The following PIK3R2 variants were observed in gnomAD, a reference collection of about 807,000 sequenced individuals.
The protein encoded by PIK3R2 is phosphoinositide-3-kinase regulatory subunit 2, also known as phosphatidylinositol 3-kinase regulatory subunit beta.
PIK3R2 carries 40 observed loss-of-function variants against 78.5 expected under a neutral mutation model. That is an observed-to-expected ratio of 0.51 (90% CI 0.40 to 0.66). The LOEUF is 0.66. Among genes scored for constraint, PIK3R2 ranks in the 30% least tolerant of loss-of-function variants. The pLI is 0.00. For missense variants in PIK3R2, 880 were observed against 1,026.6 expected (o/e 0.86, Z 1.95); for synonymous variants, 473 against 457.7 (o/e 1.03, Z -0.43).
At chr19:18,165,687 G>A (rs2043803138) in intron 11 of PIK3R2, among the ~76,000 whole-genome samples, 2 of 152,176 alleles carry the variant, frequency 1.3e-5, no homozygotes. Context: ...TTTTACTGAT[G>A]TGTTAGCTGA....
At position 18,161,788 on chromosome 19, in the gene PIK3R2, T is replaced by TA. The variant is rs1436017703; in HGVS notation, c.816-177dup. On this transcript the variant is annotated intron_variant, in intron 6 of 15. Coordinates refer to ENST00000222254, the MANE Select transcript of PIK3R2 (RefSeq NM_005027.4). The surrounding 1 kb of genome is among the most constrained non-coding windows in gnomAD (Gnocchi z 5.3). ...TTTGTGTGAGAATCTATGGAGCACTTACTGCATACAGCTATGAGGGAGCTG... is the reference window on the plus strand; with the variant it reads ...TTTGTGTGAGAATCTATGGAGCACTTAACTGCATACAGCTATGAGGGAGCTG... Among the ~76,000 whole-genome samples, 1 of 152,228 alleles carries TA rather than the reference T, an allele frequency of 6.6e-6. No individual in the cohort carries two copies. Among genetic ancestry groups the TA allele is most frequent in the Non-Finnish European group, 1.5e-5 (1 of 68,024 alleles).
At chr19:18,165,276 A>G (rs1004061886) in intron 11 of PIK3R2, among the ~76,000 whole-genome samples, 4 of 149,690 alleles carry the variant, frequency 2.7e-5, no homozygotes, top group African/African-American at 7.4e-5. Context: ...GAGGCAGGAG[A>G]ATAGCTTGAA....
Position 18,161,195 on chromosome 19 carries a change from G to A in PIK3R2, c.598+10G>A. 6 of 1,543,012 alleles carry A rather than the reference G, an allele frequency of 3.9e-6. No homozygotes were observed. The highest frequency in any genetic ancestry group is 5.2e-6 in the Non-Finnish European group (6 of 1,144,256). ...CGCCGGGCCCTGCGGGGTGAGCCTGGCGGGTAGCCCGGGGGAAGGAGGGGG... is the reference window on the plus strand; with the variant it reads ...CGCCGGGCCCTGCGGGGTGAGCCTGACGGGTAGCCCGGGGGAAGGAGGGGG... On this transcript the variant is annotated intron_variant, in intron 5 of 15. Transcript: ENST00000222254. The surrounding 1 kb of genome is among the most constrained non-coding windows in gnomAD (Gnocchi z 5.3).
intron 3 of PIK3R2, 109 bp from the exon 4 acceptor site, chr19:18,160,810 T>G: frequency 7.4e-7 from 1 of 1,350,468 alleles, no homozygotes; most frequent in Non-Finnish European, 1.0e-6. Flanking sequence ...CCCATGCCCT[T>G]ATCTCTGGGC....
At chr19:18,154,545 A>C (rs1157490220) in intron 1 of PIK3R2, among the ~76,000 whole-genome samples, 1 of 151,932 alleles carries the variant, frequency 6.6e-6, no homozygotes, top group Non-Finnish European at 1.5e-5. Context: ...TTTGTTCCCT[A>C]CCTCTTAGTT....
chr19:18,164,835 T>G (rs1354769989), intron 11 of PIK3R2, among the ~76,000 whole-genome samples: 4 of 147,902 alleles, frequency 2.7e-5, no homozygotes, highest in Non-Finnish European at 6.0e-5. Context: ...GGGGTTTTGC[T>G]GTGTTGGCCA....
rs1967157418 is a variant in PIK3R2 at position 18,170,335 on chromosome 19, A to AT, written c.*1043dup. The AT allele has an allele frequency of 6.6e-6, 1 of 152,116 alleles. No individual in the cohort carries two copies. Among genetic ancestry groups the AT allele is most frequent in the Non-Finnish European group, 1.5e-5 (1 of 68,008 alleles). 9.4% of individuals were successfully genotyped at this position (152,116 alleles called of 1,614,324 possible). ...CCCACGGCCCCTCCCTCTGATGCAG[A>AT]TTCAGGGCTTCTCTTCGATCATGTT... On this transcript the variant is annotated 3_prime_UTR_variant, in exon 16 of 16. Transcript: ENST00000222254.
intron 12 of PIK3R2, 48 bp downstream of exon 12, chr19:18,166,350 A>C (rs980362954): frequency 6.3e-5 from 95 of 1,516,320 alleles, no homozygotes; most frequent in Non-Finnish European, 8.1e-5. Flanking sequence ...GATCTGGTGC[A>C]GTACAAGCCA....
rs1370436821 is a variant in PIK3R2 at position 18,170,470 on chromosome 19, C to G, written c.*1176C>G. 1 of 152,146 alleles carries G rather than the reference C, an allele frequency of 6.6e-6. No individual in the cohort carries two copies. Among genetic ancestry groups the G allele is most frequent in the East Asian group, 1.9e-4 (1 of 5,192 alleles). 9.4% of individuals were successfully genotyped at this position (152,146 alleles called of 1,614,324 possible). A position where few individuals can be genotyped will look rare whatever the true frequency, so the allele number is the denominator to read the frequency against. On this transcript the variant is annotated 3_prime_UTR_variant, in exon 16 of 16. Transcript: ENST00000222254. ...CTTGGCCACCACACTGCCTGCCCCACGAGCTGGGAGGCAGGTTTTGTACGG... is the reference window on the plus strand; with the variant it reads ...CTTGGCCACCACACTGCCTGCCCCAGGAGCTGGGAGGCAGGTTTTGTACGG...
rs747277419 is a variant in PIK3R2, at chr19:18,169,078, C to T, written c.1980-9C>T. 6 of 1,607,798 alleles carry T rather than the reference C, an allele frequency of 3.7e-6. No homozygotes were observed. The African/African-American group carries it at 6.7e-5, about 18-fold the overall frequency. The stretch of plus-strand genomic sequence containing the variant: ...GCCTTCCGACTCCCCCTCTCGTCTG[C>T]CCCCACAGAGTGGACGGCGACACCA... On this transcript the variant is annotated splice_polypyrimidine_tract_variant and intron_variant, in intron 15 of 15. Transcript: ENST00000222254.
In PIK3R2 at chr19:18,161,259, C is replaced by T; in HGVS notation, c.599-20C>T. The T allele has an allele frequency of 6.9e-7, 1 of 1,445,256 alleles. No individual in the cohort carries two copies. The highest frequency in any genetic ancestry group is 9.0e-7 in the Non-Finnish European group (1 of 1,105,770). The allele number at this position is 1,445,256 out of a possible 1,614,324, so 89.5% of individuals were successfully genotyped here. ...GAGGGCCCAGGCCTGGCTCACCCTG[C>T]CCTGGCCATCTGTCCGCAGAGGCCG... On this transcript the variant is annotated intron_variant, in intron 5 of 15. Coordinates refer to ENST00000222254, the MANE Select transcript of PIK3R2 (RefSeq NM_005027.4). This position sits in a 1 kb window ranked among gnomAD's most constrained non-coding sequence, Gnocchi z 5.3.
In PIK3R2 at chr19:18,163,099, T is replaced by C. The variant is rs2147953253; in HGVS notation, c.1242T>C (p.Asn414=). ...GCCACGAGTCTCTGGCCCAGTACAA[T>C]GCCAAGCTGGACACACGGCTCCTCT... ...HYRHESLAQY[N]AKLDTRLLYP... Residue 414 remains asparagine (N), a synonymous_variant, in exon 10 of 16, where the codon AAT becomes AAC. Coordinates refer to ENST00000222254, the MANE Select transcript of PIK3R2 (RefSeq NM_005027.4). 1 of 1,613,668 alleles carries C rather than the reference T, an allele frequency of 6.2e-7. No homozygotes were observed. Among genetic ancestry groups the C allele is most frequent in the Non-Finnish European group, 8.5e-7 (1 of 1,179,980 alleles).
At position 18,169,159 on chromosome 19, in the gene PIK3R2, C is replaced by T; in HGVS notation, c.2052C>T (p.Asn684=). 1.2e-6 allele frequency: 2 copies of T among 1,611,400 alleles called. No homozygotes were observed. Among genetic ancestry groups the T allele is most frequent in the Non-Finnish European group, 1.7e-6 (2 of 1,179,826 alleles). ...GCTTCGGCTTCGCGGAGCCCTACAACCTGTACGGGTCGCTGAAGGAGCTGG... is the reference window on the plus strand; with the variant it reads ...GCTTCGGCTTCGCGGAGCCCTACAATCTGTACGGGTCGCTGAAGGAGCTGG... ...ATGFGFAEPY[N]LYGSLKELVL... is the part of the protein sequence containing the mutation. The change falls in exon 16 of 16, where the codon AAC becomes AAT. Residue 684 remains asparagine (N), a synonymous_variant. Coordinates refer to ENST00000222254, the MANE Select transcript of PIK3R2 (RefSeq NM_005027.4).
intron 7 of PIK3R2, 37 bp from the exon 8 acceptor site, chr19:18,162,165 T>C: frequency 4.2e-6 from 6 of 1,414,396 alleles, no homozygotes; most frequent in Non-Finnish European, 6.0e-6. Flanking sequence ...CAGTATACAG[T>C]CGGTGCTCAG....
intron 2 of PIK3R2, among the ~76,000 whole-genome samples, chr19:18,158,621 G>T (rs573907955): frequency 6.6e-6 from 1 of 152,114 alleles, no homozygotes; most frequent in South Asian, 2.1e-4. Flanking sequence ...GACAAAGCAA[G>T]AACCTGTCTC....
In PIK3R2 at chr19:18,168,919, G is replaced by A; in HGVS notation, c.1979+23G>A. The stretch of plus-strand genomic sequence containing the variant: ...GGTGTGAGTGGACCGCAGCGGTGGG[G>A]ATTCCCGCGTCCCTCCCAGAGCTCT... On this transcript the variant is annotated intron_variant, in intron 15 of 15. Coordinates refer to ENST00000222254, the MANE Select transcript of PIK3R2 (RefSeq NM_005027.4). This position sits in a 1 kb window ranked among gnomAD's most constrained non-coding sequence, Gnocchi z 4.1. 1.2e-6 allele frequency: 2 copies of A among 1,602,740 alleles called. No individual in the cohort carries two copies. Among genetic ancestry groups the A allele is most frequent in the Non-Finnish European group, 1.7e-6 (2 of 1,174,468 alleles).
In PIK3R2 at chr19:18,161,457, G is replaced by A. The variant is rs1199683690; in HGVS notation, c.777G>A (p.Pro259=). 1.3e-5 allele frequency: 16 copies of A among 1,200,706 alleles called. 1 individual carries two copies. In the East Asian group the frequency reaches 5.2e-4, roughly 39 times the overall value. 74.4% of individuals were successfully genotyped at this position (1,200,706 alleles called of 1,614,324 possible). A position where few individuals can be genotyped will look rare whatever the true frequency, so the allele number is the denominator to read the frequency against. Reference sequence around the variant, plus strand: ...GGCCGCTGCTGCTGCGCGCGCCGCCGCCGCCGTCCTCGCCGCCGCCAGGGG... The same window carrying A: ...GGCCGCTGCTGCTGCGCGCGCCGCCACCGCCGTCCTCGCCGCCGCCAGGGG... ...TFGPLLLRAP[P]PPSSPPPGGA... is the part of the protein sequence containing the mutation. Residue 259 remains proline, a synonymous_variant, in exon 6 of 16, where the codon CCG becomes CCA. Coordinates refer to ENST00000222254, the MANE Select transcript of PIK3R2 (RefSeq NM_005027.4). The surrounding 1 kb of genome is among the most constrained non-coding windows in gnomAD (Gnocchi z 5.3).
At position 18,169,094 on chromosome 19, in the gene PIK3R2, G is replaced by C. The variant is rs768641921; in HGVS notation, c.1987G>C (p.Gly663Arg). The change falls in exon 16 of 16, where the codon GGC becomes CGC. Residue 663 changes from glycine (G) to arginine (R), a missense_variant. Around this residue, in one of 3 missense-constraint regions of PIK3R2, gnomAD observed 268 missense variants for 299.1 expected, o/e 0.90. Transcript: ENST00000222254. ...TCTCGTCTGCCCCCACAGAGTGGAC[G>C]GCGACACCAAGCACTGCGTCATCTA... ...GCYACSVVVDGDTKHCVIYRT... is the reference protein window; with the variant it reads ...GCYACSVVVDRDTKHCVIYRT... 47 of 1,610,140 alleles carry C rather than the reference G, an allele frequency of 2.9e-5. No homozygotes were observed. Among genetic ancestry groups the C allele is most frequent in the Admixed American group, 1.5e-4 (9 of 59,980 alleles).
At position 18,162,442 on chromosome 19, in the gene PIK3R2, G is replaced by A. The variant is rs1236908355; in HGVS notation, c.1045G>A (p.Asp349Asn). ...GAACGAGAAACTCCGGGACACTCCC[G>A]ATGGCACCTTCCTAGTCCGAGATGC... is the stretch of plus-strand genomic sequence containing the variant. Reference protein sequence around the residue: ...EVNEKLRDTPDGTFLVRDASS... With the variant: ...EVNEKLRDTPNGTFLVRDASS... The change falls in exon 9 of 16, where the codon GAT becomes AAT. Residue 349 changes from aspartate to asparagine, a missense_variant. By Grantham distance (23) the Asp-to-Asn change is conservative. Around this residue, in one of 3 missense-constraint regions of PIK3R2, gnomAD observed 156 missense variants for 241.0 expected, o/e 0.65. Transcript: ENST00000222254. The A allele has an allele frequency of 8.7e-6, 14 of 1,613,576 alleles. No individual in the cohort carries two copies. Among genetic ancestry groups the A allele is most frequent in the African/African-American group, 1.3e-5 (1 of 75,034 alleles).
Sources: allele counts gnomAD v4.1 joint callset (sites outside exome capture counted in the v4.1 genomes callset), GRCh38; gene constraint gnomAD v4.1.1; regional missense constraint gnomAD v4.1.1; non-coding constraint Gnocchi (gnomAD v3.1); transcripts MANE v1.5; gene names NCBI Gene and HGNC (gene_info 2026-07-23, HGNC 2026-07-21).